COL23A1: variants seen among roughly 807,000 people sequenced by gnomAD.
The protein encoded by COL23A1 is collagen alpha-1(XXIII) chain.
COL23A1 carries 97 observed loss-of-function variants against 99.3 expected under a neutral mutation model. The observed-to-expected ratio is 0.98, with a 90% confidence interval of 0.83 to 1.16. COL23A1 has a LOEUF of 1.16. COL23A1 is among the 50% of genes most tolerant of loss of function. The pLI, the probability that COL23A1 is intolerant of heterozygous loss-of-function variation, is 0.00. For missense variants in COL23A1, 762 were observed against 757.4 expected, an observed-to-expected ratio of 1.01 and a Z score of -0.07; for synonymous variants, 320 against 308.2, an observed-to-expected ratio of 1.04 and a Z score of -0.40.
At chr5:178,406,644 A>G (rs773794459) in intron 2 of COL23A1, among the ~76,000 whole-genome samples, 3 of 151,972 alleles carry the variant, frequency 2.0e-5, no homozygotes, top group African/African-American at 4.8e-5. Flanking sequence ...TGGTCAGGCT[A>G]GTCTTGAACT....
intron 26 of COL23A1, 94 bp from the exon 27 acceptor site, chr5:178,242,222 CCCTGCCTCCG>C (rs1190838424): frequency 1.0e-5 from 15 of 1,467,334 alleles, no homozygotes; most frequent in Non-Finnish European, 1.3e-5. Context: ...GCCAGCCTCC[CCCTGCCTCCG>C]CCCACCTGCC....
In COL23A1 at chr5:178,243,299, G is replaced by C. The variant is rs576301292; in HGVS notation, c.1441-905C>G. ...GCTCAGGAGTTCAAGACCAGCCTGGGCAACACAGTGAAACCCCATCTCTCC... is the reference window on the plus strand; with the variant it reads ...GCTCAGGAGTTCAAGACCAGCCTGGCCAACACAGTGAAACCCCATCTCTCC... On this transcript the variant is annotated intron_variant, in intron 25 of 28. Transcript: ENST00000390654. Among the ~76,000 whole-genome samples, 6 of 151,976 alleles carry C rather than the reference G, an allele frequency of 3.9e-5. No homozygotes were observed. In the South Asian group the frequency reaches 1.2e-3, roughly 32 times the overall value.
intron 25 of COL23A1, among the ~76,000 whole-genome samples, chr5:178,245,617 T>C (rs551534704): frequency 6.6e-6 from 1 of 151,472 alleles, no homozygotes; most frequent in South Asian, 2.1e-4. Flanking sequence ...CATCCACCCA[T>C]CCATCCATTT....
chr5:178,367,618 G>A (rs1350173707), intron 2 of COL23A1, among the ~76,000 whole-genome samples: 1 of 152,204 alleles, frequency 6.6e-6, no homozygotes, highest in East Asian at 1.9e-4. Flanking sequence ...TGGGGGCGGG[G>A]TCAAACCAAG....
At chr5:178,360,521 G>C (rs1231263190) in intron 2 of COL23A1, among the ~76,000 whole-genome samples, 1 of 152,194 alleles carries the variant, frequency 6.6e-6, no homozygotes, top group Non-Finnish European at 1.5e-5. Context: ...GCCCGGCAAA[G>C]AGCAGGAGAA....
At chr5:178,278,058 G>A (rs1056147456) in intron 5 of COL23A1, among the ~76,000 whole-genome samples, 2 of 152,238 alleles carry the variant, frequency 1.3e-5, no homozygotes, top group African/African-American at 2.4e-5. Context: ...CGTGGATGGG[G>A]TGGAAATCCA....
chr5:178,487,324 A>ATTTT (rs1757691443), intron 2 of COL23A1, among the ~76,000 whole-genome samples: 1 of 150,762 alleles, frequency 6.6e-6, no homozygotes, highest in Non-Finnish European at 1.5e-5. Context: ...TTATTTATTT[A>ATTTT]TTTATTTATT....
At chr5:178,253,763 G>C (rs1322797843) in intron 16 of COL23A1, among the ~76,000 whole-genome samples, 1 of 152,056 alleles carries the variant, frequency 6.6e-6, no homozygotes, top group Non-Finnish European at 1.5e-5. Context: ...TCACAGGCGG[G>C]AGCCGCCGCG....
chr5:178,358,772 T>A (rs1762019459), intron 2 of COL23A1, among the ~76,000 whole-genome samples: 1 of 120,612 alleles, frequency 8.3e-6, no homozygotes, highest in Non-Finnish European at 1.9e-5. Context: ...TGTATGTGTG[T>A]GTATGTGTAT....
At chr5:178,547,819 ACCCACCTACACACCCCCACACCCAC>A (rs1440267973) in intron 2 of COL23A1, among the ~76,000 whole-genome samples, 1 of 8,746 alleles carries the variant, frequency 1.1e-4, no homozygotes, top group Non-Finnish European at 1.8e-4. Flanking sequence ...CCCCACACCC[ACCCACCTACACACCCCCACACCCAC>A]CCACCTACAC....
At chr5:178,412,506 C>A (rs565941368) in intron 2 of COL23A1, among the ~76,000 whole-genome samples, 10 of 152,298 alleles carry the variant, frequency 6.6e-5, no homozygotes, top group Middle Eastern at 3.4e-3. Context: ...CTGTTCTACA[C>A]ACAATGATTT....
rs1759192554 is a variant in COL23A1, at chr5:178,511,320, G to C, written c.361+49362C>G. 2.0e-5 allele frequency among the ~76,000 whole-genome samples: 3 copies of C among 152,146 alleles called. No homozygotes were observed. The South Asian group carries it at 6.2e-4, about 32-fold the overall frequency. On this transcript the variant is annotated intron_variant, in intron 2 of 28. Coordinates refer to ENST00000390654, the MANE Select transcript of COL23A1 (RefSeq NM_173465.4). The stretch of plus-strand genomic sequence containing the variant: ...CTGTGACATTTGAATTAAGAGCCCA[G>C]GTCTCAACATTGAGAAGTTCTCAGC...
chr5:178,470,264 G>A (rs780676298), intron 2 of COL23A1, among the ~76,000 whole-genome samples: 9 of 152,156 alleles, frequency 5.9e-5, no homozygotes, highest in Non-Finnish European at 8.8e-5. Flanking sequence ...CTCCTGGTCC[G>A]CTACCGTGAG....
intron 2 of COL23A1, among the ~76,000 whole-genome samples, chr5:178,334,778 C>A (rs1229276090): frequency 6.6e-6 from 1 of 152,136 alleles, no homozygotes; most frequent in Non-Finnish European, 1.5e-5. Flanking sequence ...TATGTTGTCT[C>A]ACACGTTTCC....
At chr5:178,274,777 C>T (rs1756494066) in intron 5 of COL23A1, among the ~76,000 whole-genome samples, 1 of 152,202 alleles carries the variant, frequency 6.6e-6, no homozygotes, top group Admixed American at 6.5e-5. Context: ...CTCCTCTGAG[C>T]CTCAGCTTCC....
chr5:178,289,827 C>T (rs1314111982), intron 4 of COL23A1, among the ~76,000 whole-genome samples: 1 of 152,310 alleles, frequency 6.6e-6, no homozygotes, highest in South Asian at 2.1e-4. Flanking sequence ...AACGTTCCGG[C>T]GAACAGGTCA....
In COL23A1 at chr5:178,435,218, T is replaced by C. The variant is rs563817261; in HGVS notation, c.361+125464A>G. Among the ~76,000 whole-genome samples, 113 of 152,296 alleles carry C rather than the reference T, an allele frequency of 7.4e-4. No individual in the cohort carries two copies. The South Asian group carries it at 0.012, about 16-fold the overall frequency. ...GGACCCCTGTGGGCTCTGTATTGTATTTTTTTCTCCTCTTTTAATCTCCGG... is the reference window on the plus strand; with the variant it reads ...GGACCCCTGTGGGCTCTGTATTGTACTTTTTTCTCCTCTTTTAATCTCCGG... On this transcript the variant is annotated intron_variant, in intron 2 of 28. Coordinates refer to ENST00000390654, the MANE Select transcript of COL23A1 (RefSeq NM_173465.4).
At chr5:178,553,929 G>A (rs1470276864) in intron 2 of COL23A1, among the ~76,000 whole-genome samples, 2 of 152,126 alleles carry the variant, frequency 1.3e-5, no homozygotes, top group Admixed American at 6.5e-5. Flanking sequence ...CTCTGAGGAC[G>A]CAGTGCCAGG....
intron 2 of COL23A1, among the ~76,000 whole-genome samples, chr5:178,464,971 G>A (rs1756334829): frequency 6.6e-6 from 1 of 152,180 alleles, no homozygotes; most frequent in Admixed American, 6.5e-5. Context: ...ATGGAACAAC[G>A]CCTTGTAAAT....
Sources: allele counts gnomAD v4.1 joint callset (sites outside exome capture counted in the v4.1 genomes callset), GRCh38; gene constraint gnomAD v4.1.1; transcripts MANE v1.5; gene names NCBI Gene and HGNC (gene_info 2026-07-23, HGNC 2026-07-21).